The following PLEKHH1 variants were observed in gnomAD, a reference collection of about 807,000 sequenced individuals.
The protein encoded by PLEKHH1 is pleckstrin homology domain-containing family H member 1.
PLEKHH1 carries 104 observed loss-of-function variants against 160.0 expected under a neutral mutation model. The observed-to-expected ratio is 0.65, with a 90% confidence interval of 0.55 to 0.76. PLEKHH1 has a LOEUF of 0.76. PLEKHH1 is among the 30% of genes least tolerant of loss of function. The pLI is 0.00. For missense variants in PLEKHH1, 1,427 were observed against 1,724.1 expected (o/e 0.83, Z 3.05); for synonymous variants, 619 against 678.4 (o/e 0.91, Z 1.36).
chr14:67,574,132 G>T lies in PLEKHH1; in HGVS notation c.1927-110G>T. ...AAAGAAAGGAGGGAGCACTAGGGCA[G>T]GCAGAAGGCCAGCCCCTTGGGTTCA... is the stretch of plus-strand genomic sequence containing the variant. On this transcript the variant is annotated intron_variant, in intron 13 of 28. Coordinates refer to ENST00000329153, the MANE Select transcript of PLEKHH1 (RefSeq NM_020715.3). The surrounding 1 kb of genome is among the most constrained non-coding windows in gnomAD (Gnocchi z 4.2). 1.0e-6 allele frequency: 1 copy of T among 960,776 alleles called. No homozygotes were observed. The highest frequency in any genetic ancestry group is 2.8e-5 in the Admixed American group (1 of 35,390). The allele number at this position is 960,776 out of a possible 1,614,324, so 59.5% of individuals were successfully genotyped here.
intron 2 of PLEKHH1, among the ~76,000 whole-genome samples, chr14:67,547,982 C>T (rs1026157524): frequency 6.6e-5 from 10 of 152,174 alleles, no homozygotes; most frequent in Admixed American, 6.5e-4. Flanking sequence ...CCTGGGCCAC[C>T]CCATTCTGGA....
At chr14:67,564,258 C>G (rs2034979431) in intron 7 of PLEKHH1, among the ~76,000 whole-genome samples, 1 of 152,082 alleles carries the variant, frequency 6.6e-6, no homozygotes, top group Non-Finnish European at 1.5e-5. Context: ...CTGCCTAGGC[C>G]TCTCAATGTG....
rs2035639444 is a variant in PLEKHH1 at position 67,576,731 on chromosome 14, G to A, written c.2461+228G>A. 6.6e-6 allele frequency among the ~76,000 whole-genome samples: 1 copy of A among 152,174 alleles called. No individual in the cohort carries two copies. The highest frequency in any genetic ancestry group is 6.5e-5 in the Admixed American group (1 of 15,276). ...TTATCTGGGAAGCAGGCTTTCCAGGGACCTGGGTAAATGTTTTACTTGGAT... is the reference window on the plus strand; with the variant it reads ...TTATCTGGGAAGCAGGCTTTCCAGGAACCTGGGTAAATGTTTTACTTGGAT... On this transcript the variant is annotated intron_variant, in intron 17 of 28. Coordinates refer to ENST00000329153, the MANE Select transcript of PLEKHH1 (RefSeq NM_020715.3). The surrounding 1 kb of genome is among the most constrained non-coding windows in gnomAD (Gnocchi z 4.0).
At position 67,573,387 on chromosome 14, in the gene PLEKHH1, G is replaced by A; in HGVS notation, c.1839+1G>A. The A allele has an allele frequency of 6.4e-7, 1 of 1,562,620 alleles. No homozygotes were observed. Among genetic ancestry groups the A allele is most frequent in the Non-Finnish European group, 8.8e-7 (1 of 1,133,084 alleles). ...ACAGATTATGTACTACAAGTCCCCG[G>A]TGAGAGTCTCCCCGCCCAGCACTGC... On this transcript the variant is annotated splice_donor_variant, in intron 12 of 28. Coordinates refer to ENST00000329153, the MANE Select transcript of PLEKHH1 (RefSeq NM_020715.3). LOFTEE classifies it high-confidence loss of function. The surrounding 1 kb of genome is among the most constrained non-coding windows in gnomAD (Gnocchi z 4.8).
Position 67,562,586 on chromosome 14 carries a change from G to A in PLEKHH1, c.955G>A (p.Gly319Ser), listed in dbSNP as rs768660972. Residue 319 changes from glycine to serine, a missense_variant, in exon 7 of 29, where the codon GGC becomes AGC. Around this residue, in one of 6 missense-constraint regions of PLEKHH1, gnomAD observed 831 missense variants for 929.2 expected, o/e 0.89. Transcript: ENST00000329153. Reference protein sequence around the residue: ...SLTLPKVRAPGTPRDSIQLAK... With the variant: ...SLTLPKVRAPSTPRDSIQLAK... ...GACCCTACCAAAGGTGCGGGCTCCTGGCACCCCGCGGGACAGCATCCAGTT... is the reference window on the plus strand; with the variant it reads ...GACCCTACCAAAGGTGCGGGCTCCTAGCACCCCGCGGGACAGCATCCAGTT... The A allele has an allele frequency of 2.5e-6, 4 of 1,612,596 alleles. No individual in the cohort carries two copies. Among genetic ancestry groups the A allele is most frequent in the Non-Finnish European group, 1.7e-6 (2 of 1,179,270 alleles).
chr14:67,554,859 T>G (rs2034531672), intron 2 of PLEKHH1, among the ~76,000 whole-genome samples: 1 of 152,226 alleles, frequency 6.6e-6, no homozygotes, highest in Admixed American at 6.5e-5. Flanking sequence ...AGAATTTCCA[T>G]GCTCCTCAGC....
In PLEKHH1 at chr14:67,572,196, A is replaced by C. The variant is rs1335533707; in HGVS notation, c.1647A>C (p.Ser549=). 6.2e-7 allele frequency: 1 copy of C among 1,608,850 alleles called. No homozygotes were observed. Among genetic ancestry groups the C allele is most frequent in the Non-Finnish European group, 8.5e-7 (1 of 1,177,926 alleles). The change falls in exon 11 of 29, where the codon TCA becomes TCC. Residue 549 remains serine, a synonymous_variant. Transcript: ENST00000329153. ...GDYAIPPDAC[S]LDSDYSEPEH... is the part of the protein sequence containing the mutation. The stretch of plus-strand genomic sequence containing the variant: ...ACGCCATCCCCCCGGACGCCTGCTC[A>C]CTGGACAGTGACTACTCAGAGCCTG...
intron 1 of PLEKHH1, among the ~76,000 whole-genome samples, chr14:67,541,115 C>T (rs1226255692): frequency 6.6e-6 from 1 of 152,046 alleles, no homozygotes; most frequent in Non-Finnish European, 1.5e-5. Flanking sequence ...ATGGATGATT[C>T]GATGATAACA....
intron 2 of PLEKHH1, among the ~76,000 whole-genome samples, chr14:67,553,355 A>G (rs917499279): frequency 1.5e-4 from 23 of 151,976 alleles, no homozygotes; most frequent in African/African-American, 5.3e-4. Context: ...CATTGCATTC[A>G]TTAGATTATT....
intron 2 of PLEKHH1, among the ~76,000 whole-genome samples, chr14:67,553,517 C>T (rs1353774998): frequency 1.3e-5 from 2 of 152,172 alleles, no homozygotes; most frequent in African/African-American, 4.8e-5. Flanking sequence ...TCCAGGGCAC[C>T]TCCCTGGCTC....
At position 67,587,704 on chromosome 14, in the gene PLEKHH1, T is replaced by C. The variant is rs971331501; in HGVS notation, c.*469T>C. The C allele has an allele frequency of 1.9e-4, 32 of 166,450 alleles. 1 individual carries two copies. Among genetic ancestry groups the C allele is most frequent in the Non-Finnish European group, 2.5e-4 (19 of 76,962 alleles). The allele number at this position is 166,450 out of a possible 1,614,324, so 10.3% of individuals were successfully genotyped here. ...CTGGGATTACAGGTGTGCGCCACCATGCCCGGCTAATTTTTGTATTTTTAG... is the reference window on the plus strand; with the variant it reads ...CTGGGATTACAGGTGTGCGCCACCACGCCCGGCTAATTTTTGTATTTTTAG... On this transcript the variant is annotated 3_prime_UTR_variant, in exon 29 of 29. Coordinates refer to ENST00000329153, the MANE Select transcript of PLEKHH1 (RefSeq NM_020715.3).
Position 67,557,373 on chromosome 14 carries a change from C to G in PLEKHH1, c.294C>G (p.Gly98=). The G allele has an allele frequency of 1.2e-6, 2 of 1,613,870 alleles. No homozygotes were observed. The highest frequency in any genetic ancestry group is 1.7e-6 in the Non-Finnish European group (2 of 1,179,834). ...KYQELLKAIK[G]KDELISQLEA... ...AAGAATTGCTGAAAGCCATAAAGGG[C>G]AAAGATGAGCTCATCAGCCAGCTAG... The change falls in exon 4 of 29, where the codon GGC becomes GGG. Residue 98 remains glycine, a synonymous_variant. Transcript: ENST00000329153.
intron 9 of PLEKHH1, chr14:67,571,515 G>A (rs2035373196): frequency 4.4e-6 from 2 of 451,814 alleles, no homozygotes; most frequent in Admixed American, 6.5e-5. Flanking sequence ...CAGTCGTGAT[G>A]GGCAGCTGCT....
intron 9 of PLEKHH1, chr14:67,570,625 C>T (rs2035325600): frequency 6.6e-6 from 1 of 152,576 alleles, no homozygotes; most frequent in South Asian, 2.1e-4. Context: ...TCACTGTCTC[C>T]TGTGTGCACA....
rs2036175597 is a variant in PLEKHH1, at chr14:67,586,604, G to A, written c.3934-470G>A. 9.1e-6 allele frequency: 4 copies of A among 437,546 alleles called. No individual in the cohort carries two copies. The East Asian group carries it at 2.8e-4, about 31-fold the overall frequency. The allele number at this position is 437,546 out of a possible 1,614,324, so 27.1% of individuals were successfully genotyped here. A position where few individuals can be genotyped will look rare whatever the true frequency, so the allele number is the denominator to read the frequency against. On this transcript the variant is annotated intron_variant, in intron 28 of 28. Coordinates refer to ENST00000329153, the MANE Select transcript of PLEKHH1 (RefSeq NM_020715.3). ...ACTTTGTTCCTACTCAATACAGGAAGTGTTGACCAGCAAAAATAATAATTA... is the reference window on the plus strand; with the variant it reads ...ACTTTGTTCCTACTCAATACAGGAAATGTTGACCAGCAAAAATAATAATTA...
At chr14:67,563,543 C>T (rs2034941651) in intron 7 of PLEKHH1, among the ~76,000 whole-genome samples, 1 of 152,076 alleles carries the variant, frequency 6.6e-6, no homozygotes, top group Admixed American at 6.5e-5. Flanking sequence ...AATCAATTCT[C>T]CCGCCTCAGC....
rs1485731067 is a variant in PLEKHH1 at position 67,589,287 on chromosome 14, AG to A, written c.*2053del. 28 of 936,292 alleles carry A rather than the reference AG, an allele frequency of 3.0e-5. No homozygotes were observed. Among genetic ancestry groups the A allele is most frequent in the Non-Finnish European group, 3.6e-5 (28 of 785,306 alleles). 58.0% of individuals were successfully genotyped at this position (936,292 alleles called of 1,614,324 possible). On this transcript the variant is annotated 3_prime_UTR_variant, in exon 29 of 29. Coordinates refer to ENST00000329153, the MANE Select transcript of PLEKHH1 (RefSeq NM_020715.3). ...CTTTAGTTTATTAATCTTATACAGA[AG>A]AAACTAACTTAGAAACAAAGGATTC...
chr14:67,586,978 G>A (rs1316955727), intron 28 of PLEKHH1, 96 bp from the exon 29 acceptor site: 10 of 1,534,884 alleles, frequency 6.5e-6, no homozygotes, highest in African/African-American at 1.4e-5. Flanking sequence ...TAAATAAACT[G>A]AGGCCCAGGA....
In PLEKHH1 at chr14:67,577,399, C is replaced by T. The variant is rs550756312; in HGVS notation, c.2559C>T (p.Ala853=). The change falls in exon 18 of 29, where the codon GCC becomes GCT. Residue 853 remains alanine (A), a synonymous_variant. Coordinates refer to ENST00000329153, the MANE Select transcript of PLEKHH1 (RefSeq NM_020715.3). ...TLPSEALQTE[A]LKLFKSCQLF... The stretch of plus-strand genomic sequence containing the variant: ...CCTCTGAGGCCTTGCAGACGGAGGC[C>T]CTCAAGCTCTTCAAGGTAAATTGGG... 2 of 1,582,278 alleles carry T rather than the reference C, an allele frequency of 1.3e-6. No individual in the cohort carries two copies. The highest frequency in any genetic ancestry group is 1.8e-5 in the Admixed American group (1 of 56,124).
Sources: allele counts gnomAD v4.1 joint callset (sites outside exome capture counted in the v4.1 genomes callset), GRCh38; gene constraint gnomAD v4.1.1; regional missense constraint gnomAD v4.1.1; non-coding constraint Gnocchi (gnomAD v3.1); transcripts MANE v1.5; gene names NCBI Gene and HGNC (gene_info 2026-07-23, HGNC 2026-07-21).